The following PLLP variants were observed in gnomAD, a reference collection of about 807,000 sequenced individuals.
PLLP encodes the protein plasmolipin.
Under a neutral mutation model 19.7 loss-of-function variants are expected in PLLP, and 15 were observed. That is an observed-to-expected ratio of 0.76 (90% confidence interval 0.51 to 1.17). PLLP has a LOEUF of 1.17. PLLP is among the 50% of genes most tolerant of loss of function. PLLP has a pLI of 0.00. For synonymous variants in PLLP, 111 were observed against 116.3 expected, an observed-to-expected ratio of 0.95 and a Z score of 0.29; for missense variants, 255 against 258.3, an observed-to-expected ratio of 0.99 and a Z score of 0.09.
intron 1 of PLLP, among the ~76,000 whole-genome samples, chr16:57,278,633 G>A (rs1901182606): frequency 6.6e-6 from 1 of 152,128 alleles, no homozygotes; most frequent in African/African-American, 2.4e-5. Context: ...AACAATACAA[G>A]GCATTTATTG....
intron 1 of PLLP, among the ~76,000 whole-genome samples, chr16:57,276,605 A>AG (rs1901157262): frequency 6.6e-6 from 1 of 151,592 alleles, no homozygotes; most frequent in African/African-American, 2.4e-5. Context: ...AAAAAAAAAA[A>AG]AAGAGAGAGA....
chr16:57,281,301 C>CTG (rs35893060), intron 1 of PLLP, among the ~76,000 whole-genome samples: 64,309 of 151,912 alleles, frequency 0.42, 14,718 homozygotes, highest in South Asian at 0.66. Flanking sequence ...GTTTTCTCAC[C>CTG]TAAAATGGGG....
chr16:57,284,621 T>G lies in PLLP; in HGVS notation c.-81A>C, dbSNP rs1901263585. ...GGTGGGTGCCGGCTCCCGCGCCGCT[T>G]TTCCCCCAGGCTCCGGATCCCTGTG... On this transcript the variant is annotated 5_prime_UTR_variant, in exon 1 of 4. Transcript: ENST00000219207. 1 of 1,240,524 alleles carries G rather than the reference T, an allele frequency of 8.1e-7. No individual in the cohort carries two copies. Among genetic ancestry groups the G allele is most frequent in the Non-Finnish European group, 1.0e-6 (1 of 977,212 alleles). 76.8% of individuals were successfully genotyped at this position (1,240,524 alleles called of 1,614,324 possible).
chr16:57,284,630 G>A lies in PLLP; in HGVS notation c.-90C>T, dbSNP rs1219010471. 2.6e-5 allele frequency: 32 copies of A among 1,207,722 alleles called. No homozygotes were observed. In the African/African-American group the frequency reaches 3.6e-4, roughly 14 times the overall value. 74.8% of individuals were successfully genotyped at this position (1,207,722 alleles called of 1,614,324 possible). ...CGGCTCCCGCGCCGCTTTTCCCCCA[G>A]GCTCCGGATCCCTGTGTGGCTCCAG... On this transcript the variant is annotated 5_prime_UTR_variant, in exon 1 of 4. Transcript: ENST00000219207.
chr16:57,275,617 A>C (rs1298468272), intron 1 of PLLP, among the ~76,000 whole-genome samples: 2 of 141,034 alleles, frequency 1.4e-5, no homozygotes, highest in Non-Finnish European at 3.0e-5. Context: ...AAAAAAAAAA[A>C]CACTACAACA....
At chr16:57,264,053 C>CCCTAGAGCACCTGAGGGCCTGGG (rs1164417924) in intron 1 of PLLP, among the ~76,000 whole-genome samples, 4 of 152,142 alleles carry the variant, frequency 2.6e-5, no homozygotes, top group Non-Finnish European at 5.9e-5. Flanking sequence ...TGCCGCCAGC[C>CCCTAGAGCACCTGAGGGCCTGGG]CCTAGAGCAC....
At chr16:57,276,662 G>A (rs1385521636) in intron 1 of PLLP, among the ~76,000 whole-genome samples, 2 of 151,782 alleles carry the variant, frequency 1.3e-5, no homozygotes, top group South Asian at 2.1e-4. Flanking sequence ...TGGTCTATTC[G>A]ATTGGGGCAC....
At chr16:57,281,348 TGA>T (rs1341608683) in intron 1 of PLLP, among the ~76,000 whole-genome samples, 1 of 152,164 alleles carries the variant, frequency 6.6e-6, no homozygotes, top group African/African-American at 2.4e-5. Flanking sequence ...GCAAAGGGCC[TGA>T]GCCTAGTGCT....
intron 1 of PLLP, among the ~76,000 whole-genome samples, chr16:57,279,390 G>C (rs1283469743): frequency 1.3e-5 from 2 of 148,868 alleles, no homozygotes; most frequent in Non-Finnish European, 3.0e-5. Context: ...TAAGAGTAGA[G>C]GACTGGGTAC....
intron 1 of PLLP, among the ~76,000 whole-genome samples, chr16:57,265,983 G>A (rs1011776339): frequency 4.6e-5 from 7 of 152,136 alleles, no homozygotes; most frequent in African/African-American, 1.7e-4. Flanking sequence ...TCATGATGGC[G>A]CCACTGCACT....
intron 2 of PLLP, among the ~76,000 whole-genome samples, 184 bp downstream of exon 2, chr16:57,261,711 CTG>C (rs1363712234): frequency 3.9e-5 from 6 of 151,990 alleles, no homozygotes; most frequent in African/African-American, 9.7e-5. Flanking sequence ...TAGTGAGACA[CTG>C]TCTTGAAGGA....
intron 1 of PLLP, among the ~76,000 whole-genome samples, chr16:57,282,574 C>T (rs1901233488): frequency 6.6e-6 from 1 of 152,040 alleles, no homozygotes. Flanking sequence ...CAGTCATCAT[C>T]CTCCACCCAG....
Position 57,284,526 on chromosome 16 carries a change from CG to C in PLLP, c.14del (p.Pro5ArgfsTer50). Reference protein sequence around the residue: MAEFPSKVSTRTSSP... With the variant: MAEFXSKVSTRTSSP... ...TGCTGGTCCGCGTGCTAACTTTCGA[CG>C]GGAACTCGGCCATGGCGGCTCCGCT... is the stretch of plus-strand genomic sequence containing the variant. On this transcript the variant is annotated frameshift_variant, in exon 1 of 4. Transcript: ENST00000219207. LOFTEE classifies it high-confidence loss of function. The C allele has an allele frequency of 7.2e-7, 1 of 1,386,482 alleles. No homozygotes were observed. 85.9% of individuals were successfully genotyped at this position (1,386,482 alleles called of 1,614,324 possible).
intron 1 of PLLP, among the ~76,000 whole-genome samples, chr16:57,272,076 G>A (rs1282111337): frequency 2.0e-5 from 3 of 152,052 alleles, no homozygotes; most frequent in Admixed American, 6.6e-5. Flanking sequence ...TCCTGCCCCC[G>A]CAACTACCCT....
chr16:57,281,929 C>T (rs1461545735), intron 1 of PLLP, among the ~76,000 whole-genome samples: 1 of 152,208 alleles, frequency 6.6e-6, no homozygotes, highest in Non-Finnish European at 1.5e-5. Flanking sequence ...ACTTCCCTCA[C>T]ACCCAGTCCC....
chr16:57,272,369 C>A (rs1216285211), intron 1 of PLLP, among the ~76,000 whole-genome samples: 1 of 152,174 alleles, frequency 6.6e-6, no homozygotes, highest in African/African-American at 2.4e-5. Flanking sequence ...GGGGCAGTGG[C>A]AGAACTCGAA....
chr16:57,257,886 TAGTC>T (rs1321083439), intron 3 of PLLP, among the ~76,000 whole-genome samples: 8 of 152,130 alleles, frequency 5.3e-5, no homozygotes, highest in African/African-American at 1.9e-4. Flanking sequence ...CAAGGTTCAA[TAGTC>T]AGCCCAGGCC....
At chr16:57,274,560 C>A (rs1326054602) in intron 1 of PLLP, among the ~76,000 whole-genome samples, 1 of 151,748 alleles carries the variant, frequency 6.6e-6, no homozygotes, top group African/African-American at 2.4e-5. Flanking sequence ...TCAAGCGATT[C>A]TCATGCCTCA....
rs867062701 is a variant in PLLP, at chr16:57,271,181, G to A, written c.136-9111C>T. 2.6e-5 allele frequency among the ~76,000 whole-genome samples: 4 copies of A among 151,852 alleles called. No homozygotes were observed. In the South Asian group the frequency reaches 8.5e-4, roughly 32 times the overall value. On this transcript the variant is annotated intron_variant, in intron 1 of 3. Transcript: ENST00000219207. ...CATTTCAATGCCAAACGCAGAAGAA[G>A]TTGCAGCACACCTACCCCAGTGGCT...
Sources: allele counts gnomAD v4.1 joint callset (sites outside exome capture counted in the v4.1 genomes callset), GRCh38; gene constraint gnomAD v4.1.1; transcripts MANE v1.5; gene names NCBI Gene and HGNC (gene_info 2026-07-23, HGNC 2026-07-21).